The following VAV3 variants were observed in gnomAD, a reference collection of about 807,000 sequenced individuals.
VAV3 encodes vav guanine nucleotide exchange factor 3.
A neutral mutation model predicts 131.2 loss-of-function variants in VAV3; 94 were observed. That is an observed-to-expected ratio of 0.72 (90% CI 0.61 to 0.85). The LOEUF is 0.85. VAV3 is among the 40% of genes least tolerant of loss of function. The pLI is 0.00. For synonymous variants in VAV3, 349 were observed against 342.0 expected (o/e 1.02, Z -0.22); for missense variants, 939 against 1,002.7 (o/e 0.94, Z 0.86).
chr1:107,745,884 GCAATAGTCCAGAGCA>G (rs1305994728), intron 15 of VAV3, among the ~76,000 whole-genome samples: 6 of 152,180 alleles, frequency 3.9e-5, no homozygotes, highest in Non-Finnish European at 8.8e-5. Flanking sequence ...ATTCCTTAAA[GCAATAGTCCAGAGCA>G]CTCTAGGGGA....
intron 15 of VAV3, among the ~76,000 whole-genome samples, chr1:107,745,273 A>G (rs746676912): frequency 9.9e-5 from 15 of 152,062 alleles, no homozygotes; most frequent in Admixed American, 6.5e-5. Flanking sequence ...TAAATACATT[A>G]TTTACATTAT....
chr1:107,878,127 GC>G lies in VAV3; in HGVS notation c.205-3111del, dbSNP rs199923569. On this transcript the variant is annotated intron_variant, in intron 1 of 26. Transcript: ENST00000370056. ...ACAATTGCAACATAGTGCCATATAT[GC>G]TTTTGCACCTATACCCTTTATATAT... is the stretch of plus-strand genomic sequence containing the variant. Among the ~76,000 whole-genome samples, 626 of 152,096 alleles carry G rather than the reference GC, an allele frequency of 4.1e-3. 5 individuals are homozygous for G. The highest frequency in any genetic ancestry group is 0.014 in the African/African-American group (588 of 41,492).
chr1:107,859,201 G>T (rs1669622871), intron 2 of VAV3, among the ~76,000 whole-genome samples: 1 of 151,442 alleles, frequency 6.6e-6, no homozygotes, highest in Non-Finnish European at 1.5e-5. Context: ...CTCCTGAATA[G>T]CTGGGACTAC....
chr1:107,632,907 A>G (rs1654611035), intron 20 of VAV3, among the ~76,000 whole-genome samples: 1 of 152,174 alleles, frequency 6.6e-6, no homozygotes, highest in South Asian at 2.1e-4. Context: ...TGATTCTCCT[A>G]AGTGTCTCCA....
At chr1:107,895,356 A>G (rs2101071420) in intron 1 of VAV3, among the ~76,000 whole-genome samples, 1 of 152,332 alleles carries the variant, frequency 6.6e-6, no homozygotes, top group South Asian at 2.1e-4. Flanking sequence ...ATTGCTTGTC[A>G]TCTGCTGTTA....
chr1:107,820,865 T>C (rs1158177789), intron 2 of VAV3: 2 of 152,158 alleles, frequency 1.3e-5, no homozygotes, highest in Non-Finnish European at 2.9e-5. Context: ...TTACCACTTT[T>C]TTAATGTATA....
chr1:107,905,585 A>C (rs1672067426), intron 1 of VAV3, among the ~76,000 whole-genome samples: 1 of 152,210 alleles, frequency 6.6e-6, no homozygotes, highest in African/African-American at 2.4e-5. Context: ...ATTGCTGCCC[A>C]GATTGCAAAC....
intron 1 of VAV3, among the ~76,000 whole-genome samples, chr1:107,888,666 C>T (rs1181916018): frequency 6.6e-6 from 1 of 152,006 alleles, no homozygotes; most frequent in Non-Finnish European, 1.5e-5. Context: ...AGTATGTTGG[C>T]CAGGCTGGTC....
chr1:107,813,791 T>A (rs1014758185), intron 2 of VAV3, among the ~76,000 whole-genome samples: 2 of 152,172 alleles, frequency 1.3e-5, no homozygotes, highest in Non-Finnish European at 2.9e-5. Flanking sequence ...CTGGTAACTA[T>A]CATTCTACCC....
chr1:107,591,427 GAATGAATA>G (rs1162164619), intron 25 of VAV3, among the ~76,000 whole-genome samples: 3 of 150,598 alleles, frequency 2.0e-5, no homozygotes, highest in Admixed American at 6.6e-5. Context: ...ATGAATGAAT[GAATGAATA>G]AATGAATGAA....
At chr1:107,739,295 T>C (rs1329822927) in intron 15 of VAV3, among the ~76,000 whole-genome samples, 2 of 152,238 alleles carry the variant, frequency 1.3e-5, no homozygotes, top group Non-Finnish European at 2.9e-5. Context: ...TACTTTCGCA[T>C]GTTTCCGGAT....
Position 107,819,502 on chromosome 1 carries a change from G to A in VAV3, c.322-40010C>T, listed in dbSNP as rs13375692. 7.8e-3 allele frequency among the ~76,000 whole-genome samples: 1,106 copies of A among 142,214 alleles called. 13 individuals are homozygous for A. The highest frequency in any genetic ancestry group is 0.027 in the African/African-American group (1,049 of 38,466). The allele number at this position is 142,214 out of a possible 152,430, so 93.3% of individuals were successfully genotyped here. On this transcript the variant is annotated intron_variant, in intron 2 of 26. Transcript: ENST00000370056. ...AGCCTGCACAACATAACAAGACTCT[G>A]TCTCAAAAAAAAAAAAAAATTCAAA...
At chr1:107,661,002 T>A (rs1302087197) in intron 19 of VAV3, among the ~76,000 whole-genome samples, 1 of 152,126 alleles carries the variant, frequency 6.6e-6, no homozygotes, top group Non-Finnish European at 1.5e-5. Flanking sequence ...ATTTTTGTTT[T>A]TAAATATATC....
At chr1:107,844,451 TG>T (rs1425292280) in intron 2 of VAV3, among the ~76,000 whole-genome samples, 2 of 152,134 alleles carry the variant, frequency 1.3e-5, no homozygotes, top group Admixed American at 1.3e-4. Flanking sequence ...CAGTGGTTCC[TG>T]GAACACCAGC....
intron 1 of VAV3, among the ~76,000 whole-genome samples, chr1:107,948,952 C>CATGT (rs1034245096): frequency 1.6e-4 from 24 of 152,276 alleles, no homozygotes; most frequent in African/African-American, 5.8e-4. Context: ...TTACTGAATC[C>CATGT]ATGTTTTACA....
At chr1:107,728,633 A>ATACGTG (rs1365571649) in intron 15 of VAV3, among the ~76,000 whole-genome samples, 39 of 127,168 alleles carry the variant, frequency 3.1e-4, no homozygotes, top group South Asian at 6.9e-4. Flanking sequence ...ATGTATATGT[A>ATACGTG]TATGTATATG....
Position 107,704,609 on chromosome 1 carries a change from G to A in VAV3, c.1646C>T (p.Ala549Val), listed in dbSNP as rs771418063. The change falls in exon 17 of 27, where the codon GCG (alanine) becomes GTG (valine). Residue 549 changes from alanine to valine, a missense_variant. Ala to Val is a moderately conservative substitution (Grantham distance 64). Coordinates refer to ENST00000370056, the MANE Select transcript of VAV3 (RefSeq NM_006113.5). Reference sequence around the variant, plus strand: ...TCCCAAACATTCTTTGTGTGCTCTCGCTCCACACTTAAAACATAAATAGCC... The same window carrying A: ...TCCCAAACATTCTTTGTGTGCTCTCACTCCACACTTAAAACATAAATAGCC... ...YQGYLCFKCG[A>V]RAHKECLGRV... 57 of 1,613,776 alleles carry A rather than the reference G, an allele frequency of 3.5e-5. No homozygotes were observed. Among genetic ancestry groups the A allele is most frequent in the Admixed American group, 5.0e-5 (3 of 60,012 alleles).
intron 2 of VAV3, among the ~76,000 whole-genome samples, chr1:107,831,953 A>G (rs1467887457): frequency 1.3e-5 from 2 of 152,244 alleles, no homozygotes; most frequent in Admixed American, 1.3e-4. Flanking sequence ...TACAGAACCT[A>G]AACCACAGCC....
At chr1:107,708,058 T>C (rs898893677) in intron 15 of VAV3, among the ~76,000 whole-genome samples, 22 of 152,178 alleles carry the variant, frequency 1.4e-4, no homozygotes, top group Admixed American at 7.2e-4. Context: ...GTAACTACCA[T>C]ATGCACAAGC....
Sources: gnomAD v4.1 joint callset for allele counts (sites outside exome capture counted in the v4.1 genomes callset) on GRCh38, gnomAD v4.1.1 for gene constraint, MANE v1.5 for transcripts, NCBI Gene and HGNC (gene_info 2026-07-23, HGNC 2026-07-21) for gene names.